The following SMOC1 variants were observed in gnomAD, a reference collection of about 807,000 sequenced individuals.
The protein encoded by SMOC1 is SPARC-related modular calcium-binding protein 1.
A neutral mutation model predicts 56.3 loss-of-function variants in SMOC1; 22 were observed. The ratio of observed to expected loss-of-function variants is 0.39; its 90% CI spans 0.28 to 0.56. SMOC1 has a LOEUF of 0.56. Among genes scored for constraint, SMOC1 ranks in the 20% least tolerant of loss-of-function variants. The pLI, the probability that SMOC1 is intolerant of heterozygous loss-of-function variation, is 0.61. For synonymous variants in SMOC1, 193 were observed against 215.0 expected, an observed-to-expected ratio of 0.90 and a Z score of 0.89; for missense variants, 509 against 565.4, an observed-to-expected ratio of 0.90 and a Z score of 1.01.
intron 10 of SMOC1, among the ~76,000 whole-genome samples, chr14:70,020,148 T>C (rs72727999): frequency 0.19 from 28,648 of 149,010 alleles, 3,602 homozygotes; most frequent in East Asian, 0.41. Context: ...GTTTTGTTTT[T>C]GTCTTTTTTT....
At chr14:69,910,467 G>T (rs1459302397) in intron 1 of SMOC1, among the ~76,000 whole-genome samples, 2 of 152,326 alleles carry the variant, frequency 1.3e-5, no homozygotes. Flanking sequence ...ATCTAGGGTA[G>T]AGTATACGAT....
chr14:69,954,442 T>C (rs994026207), intron 3 of SMOC1, among the ~76,000 whole-genome samples: 1 of 152,164 alleles, frequency 6.6e-6, no homozygotes, highest in African/African-American at 2.4e-5. Flanking sequence ...GTGCTAGGAT[T>C]ATAGTGTGAA....
At chr14:69,922,623 C>T (rs1234628665) in intron 1 of SMOC1, among the ~76,000 whole-genome samples, 2 of 152,172 alleles carry the variant, frequency 1.3e-5, no homozygotes, top group African/African-American at 4.8e-5. Flanking sequence ...CCCTGGGCCC[C>T]CTCCAGACCT....
At chr14:70,014,436 C>T (rs139886414) in intron 10 of SMOC1, among the ~76,000 whole-genome samples, 2 of 152,290 alleles carry the variant, frequency 1.3e-5, no homozygotes, top group African/African-American at 4.8e-5. Context: ...AAGAGAAAGC[C>T]ATTCCAGAGA....
chr14:69,939,984 C>T (rs1477536708), intron 1 of SMOC1, among the ~76,000 whole-genome samples: 1 of 152,210 alleles, frequency 6.6e-6, no homozygotes, highest in East Asian at 1.9e-4. Context: ...GGACCCACCT[C>T]ATTTCTGTTT....
At chr14:69,952,745 C>G (rs893849481) in intron 2 of SMOC1, among the ~76,000 whole-genome samples, 1 of 152,180 alleles carries the variant, frequency 6.6e-6, no homozygotes, top group Non-Finnish European at 1.5e-5. Flanking sequence ...TTTTGTCCTT[C>G]TTTTCCAAAA....
chr14:70,012,172 G>A (rs116836769), intron 9 of SMOC1, among the ~76,000 whole-genome samples: 1,783 of 152,244 alleles, frequency 0.012, 34 homozygotes, highest in African/African-American at 0.041. Flanking sequence ...GTGGGAAATG[G>A]GCCACCTTCC....
chr14:69,933,349 T>C (rs747735757), intron 1 of SMOC1, among the ~76,000 whole-genome samples: 3 of 147,364 alleles, frequency 2.0e-5, no homozygotes, highest in Non-Finnish European at 4.5e-5. Context: ...TATGGCTGTT[T>C]CTGAAAAATG....
At chr14:70,023,573 G>A in intron 11 of SMOC1, 126 bp downstream of exon 11, 1 of 1,363,024 alleles carries the variant, frequency 7.3e-7, no homozygotes, top group South Asian at 1.2e-5. Context: ...CTGGAAGTGT[G>A]CTATGCTTCA....
chr14:69,897,302 A>G (rs1216421790), intron 1 of SMOC1, among the ~76,000 whole-genome samples: 1 of 152,160 alleles, frequency 6.6e-6, no homozygotes, highest in Non-Finnish European at 1.5e-5. Flanking sequence ...TCCTGGAGGG[A>G]TATTTCCAGA....
chr14:69,920,809 C>A (rs1434239122), intron 1 of SMOC1, among the ~76,000 whole-genome samples: 1 of 152,134 alleles, frequency 6.6e-6, no homozygotes, highest in Non-Finnish European at 1.5e-5. Flanking sequence ...GAGGTATGGT[C>A]TGGAGGAAGA....
rs534109592 is a variant in SMOC1 at position 70,011,445 on chromosome 14, C to G, written c.858-40C>G. 4.0e-5 allele frequency: 60 copies of G among 1,497,156 alleles called. No homozygotes were observed. In the East Asian group the frequency reaches 1.3e-3, roughly 33 times the overall value. The allele number at this position is 1,497,156 out of a possible 1,614,324, so 92.7% of individuals were successfully genotyped here. On this transcript the variant is annotated intron_variant, in intron 8 of 11. Coordinates refer to ENST00000361956, the MANE Select transcript of SMOC1 (RefSeq NM_001034852.3). ...GTAGTGACTGAAGTAGGCTCAGTTG[C>G]CAGCCCCTCCCAACCCCCCCCATAT...
At chr14:70,018,293 C>G (rs1028858996) in intron 10 of SMOC1, among the ~76,000 whole-genome samples, 4 of 152,102 alleles carry the variant, frequency 2.6e-5, no homozygotes, top group Non-Finnish European at 5.9e-5. Context: ...TTTGCTGAAG[C>G]TTTTGTAAAG....
Position 69,879,738 on chromosome 14 carries a change from G to C in SMOC1, c.60G>C (p.Gln20His). 6.3e-7 allele frequency: 1 copy of C among 1,591,760 alleles called. No individual in the cohort carries two copies. Among genetic ancestry groups the C allele is most frequent in the Non-Finnish European group, 8.5e-7 (1 of 1,176,014 alleles). The change falls in exon 1 of 12, where the codon CAG becomes CAC. Residue 20 changes from glutamine to histidine, a missense_variant. Transcript: ENST00000361956. ...LTPHLLLVLV[Q>H]LSPARGHRTT... Reference sequence around the variant, plus strand: ...CCCACTTGCTGCTGGTGTTGGTGCAGCTGTCCCCTGCTCGCGGCCACCGCA... The same window carrying C: ...CCCACTTGCTGCTGGTGTTGGTGCACCTGTCCCCTGCTCGCGGCCACCGCA...
intron 3 of SMOC1, among the ~76,000 whole-genome samples, chr14:69,973,549 G>C (rs901518159): frequency 9.2e-5 from 14 of 152,190 alleles, no homozygotes; most frequent in African/African-American, 3.4e-4. Context: ...ATGGCCATGA[G>C]ATGAAGTGGG....
intron 3 of SMOC1, among the ~76,000 whole-genome samples, chr14:69,967,792 T>C (rs556252991): frequency 3.2e-4 from 48 of 152,348 alleles, no homozygotes; most frequent in Non-Finnish European, 5.1e-4. Context: ...AGATGGTATT[T>C]ACACTGAGGT....
intron 1 of SMOC1, among the ~76,000 whole-genome samples, chr14:69,889,962 T>C (rs941970968): frequency 2.0e-5 from 3 of 152,208 alleles, no homozygotes; most frequent in South Asian, 2.1e-4. Context: ...ACCCAGATAA[T>C]TCAAACTAAT....
intron 11 of SMOC1, among the ~76,000 whole-genome samples, chr14:70,027,850 G>A (rs757661153): frequency 3.3e-5 from 5 of 152,170 alleles, no homozygotes; most frequent in Admixed American, 6.5e-5. Flanking sequence ...GAACATGTCC[G>A]GGAAAGAAGG....
chr14:70,011,466 C>CCCAAAAAAA lies in SMOC1; in HGVS notation c.858-19_858-18insCCAAAAAAA. On this transcript the variant is annotated intron_variant, in intron 8 of 11. Coordinates refer to ENST00000361956, the MANE Select transcript of SMOC1 (RefSeq NM_001034852.3). The stretch of plus-strand genomic sequence containing the variant: ...GTTGCCAGCCCCTCCCAACCCCCCC[C>CCCAAAAAAA]ATATCTCTCTTTTCCCAGCTACGTG... 1 of 1,561,720 alleles carries CCCAAAAAAA rather than the reference C, an allele frequency of 6.4e-7. No homozygotes were observed. Among genetic ancestry groups the CCCAAAAAAA allele is most frequent in the Non-Finnish European group, 8.8e-7 (1 of 1,133,452 alleles).
Sources: gnomAD v4.1 joint callset for allele counts (sites outside exome capture counted in the v4.1 genomes callset) on GRCh38, gnomAD v4.1.1 for gene constraint, MANE v1.5 for transcripts, NCBI Gene and HGNC (gene_info 2026-07-23, HGNC 2026-07-21) for gene names.